Variants in CTNNA2 observed in about 807,000 individuals in gnomAD.
CTNNA2 encodes catenin alpha 2.
Under a neutral mutation model 101.0 loss-of-function variants are expected in CTNNA2, and 42 were observed. The ratio of observed to expected loss-of-function variants is 0.42; its 90% CI spans 0.32 to 0.54. CTNNA2 has a LOEUF of 0.54. Ranked by LOEUF, CTNNA2 falls within the 20% of genes least tolerant of loss-of-function variation. The pLI, the probability that CTNNA2 is intolerant of heterozygous loss-of-function variation, is 0.14. For missense variants in CTNNA2, 871 were observed against 1,223.1 expected, an observed-to-expected ratio of 0.71 and a Z score of 4.29; for synonymous variants, 450 against 456.4, an observed-to-expected ratio of 0.99 and a Z score of 0.18.
chr2:79,329,783 T>C (rs6706637), intron 3 of CTNNA2, among the ~76,000 whole-genome samples: 95,643 of 152,054 alleles, frequency 0.63, 30,593 homozygotes, highest in African/African-American at 0.75. Flanking sequence ...ATTTGGGAAG[T>C]GTTTTACCCA....
At chr2:79,272,390 T>C (rs145769570) in intron 2 of CTNNA2, among the ~76,000 whole-genome samples, 470 of 152,200 alleles carry the variant, frequency 3.1e-3, no homozygotes, top group Non-Finnish European at 5.2e-3. Context: ...AATTAAAAAC[T>C]TCAAAAACCA....
chr2:80,645,793 G>T (rs1282253493), intron 18 of CTNNA2, among the ~76,000 whole-genome samples: 1 of 152,206 alleles, frequency 6.6e-6, no homozygotes, highest in East Asian at 1.9e-4. Flanking sequence ...GTTCAGCAGT[G>T]ATTTTGGTAT....
chr2:79,414,629 C>G (rs564204984), intron 4 of CTNNA2, among the ~76,000 whole-genome samples: 3 of 151,978 alleles, frequency 2.0e-5, no homozygotes, highest in African/African-American at 7.3e-5. Flanking sequence ...AACGTTTTTG[C>G]CAATTAAATA....
chr2:79,936,949 C>T (rs1023392835), intron 7 of CTNNA2, among the ~76,000 whole-genome samples: 28 of 152,118 alleles, frequency 1.8e-4, no homozygotes, highest in African/African-American at 6.3e-4. Context: ...AGCCACTTTT[C>T]TTATCCTGTT....
intron 4 of CTNNA2, among the ~76,000 whole-genome samples, chr2:79,463,689 T>C (rs1392423770): frequency 6.6e-6 from 1 of 152,162 alleles, no homozygotes; most frequent in African/African-American, 2.4e-5. Context: ...TTCAAGAAAG[T>C]GATTATGTGG....
chr2:79,626,695 A>G (rs567569715), intron 1 of CTNNA2, among the ~76,000 whole-genome samples: 1 of 151,196 alleles, frequency 6.6e-6, no homozygotes, highest in East Asian at 2.0e-4. Flanking sequence ...GGAAATGAAT[A>G]TGAATCTGGA....
chr2:79,929,710 G>C (rs906174457), intron 7 of CTNNA2, among the ~76,000 whole-genome samples: 2 of 152,136 alleles, frequency 1.3e-5, no homozygotes, highest in Admixed American at 1.3e-4. Context: ...TACTTGTCTA[G>C]TTTTCTTTGG....
intron 3 of CTNNA2, among the ~76,000 whole-genome samples, chr2:79,313,691 G>C (rs1029805868): frequency 6.6e-6 from 1 of 152,106 alleles, no homozygotes; most frequent in African/African-American, 2.4e-5. Flanking sequence ...GAATGGCCAA[G>C]GGACTCTGAC....
At chr2:79,554,531 A>T (rs903319824) in intron 1 of CTNNA2, among the ~76,000 whole-genome samples, 13 of 152,138 alleles carry the variant, frequency 8.5e-5, no homozygotes, top group African/African-American at 2.7e-4. Context: ...GACACATCTA[A>T]TTATTAAGGT....
intron 1 of CTNNA2, among the ~76,000 whole-genome samples, chr2:79,629,700 T>C (rs1033022261): frequency 2.6e-5 from 4 of 152,140 alleles, no homozygotes; most frequent in African/African-American, 9.7e-5. Flanking sequence ...ATGATCTCAG[T>C]GTCTCGATAG....
chr2:79,384,377 TCTCTCTCTCTCTC>T (rs1173885509), intron 4 of CTNNA2, among the ~76,000 whole-genome samples: 1 of 404 alleles, frequency 2.5e-3, no homozygotes, highest in Non-Finnish European at 0.011. Flanking sequence ...GCATATTTCT[TCTCTCTCTCTCTC>T]TCTCTCTCTC....
chr2:79,665,237 T>C (rs974824838), intron 2 of CTNNA2, among the ~76,000 whole-genome samples: 18 of 152,144 alleles, frequency 1.2e-4, no homozygotes, highest in Non-Finnish European at 2.4e-4. Flanking sequence ...CCTTCTGATT[T>C]TTTGACACCC....
chr2:80,479,008 A>G (rs946889734), intron 9 of CTNNA2, among the ~76,000 whole-genome samples: 13 of 133,010 alleles, frequency 9.8e-5, no homozygotes, highest in African/African-American at 3.8e-4. Context: ...ATCCATGAGC[A>G]TGGGTTTTTT....
intron 7 of CTNNA2, among the ~76,000 whole-genome samples, chr2:80,113,772 C>A (rs1701354747): frequency 6.6e-6 from 1 of 152,098 alleles, no homozygotes; most frequent in Admixed American, 6.5e-5. Context: ...ATATTTAAAT[C>A]CCCGTGTATC....
chr2:79,350,277 C>T (rs901627546), intron 3 of CTNNA2, among the ~76,000 whole-genome samples: 1 of 151,950 alleles, frequency 6.6e-6, no homozygotes, highest in African/African-American at 2.4e-5. Flanking sequence ...CAACCCTTAC[C>T]CCTCTCCTAA....
intron 7 of CTNNA2, among the ~76,000 whole-genome samples, chr2:80,115,557 A>C (rs565430715): frequency 6.6e-6 from 1 of 152,322 alleles, no homozygotes; most frequent in African/African-American, 2.4e-5. Context: ...AGTAAAAGCA[A>C]GTTGACAATC....
chr2:79,876,086 T>C (rs1012671473), intron 6 of CTNNA2, among the ~76,000 whole-genome samples: 1 of 152,194 alleles, frequency 6.6e-6, no homozygotes, highest in East Asian at 1.9e-4. Flanking sequence ...GTTTTACTTG[T>C]CAGTAAATGA....
At chr2:80,018,475 A>C (rs1224480525) in intron 7 of CTNNA2, among the ~76,000 whole-genome samples, 1 of 152,136 alleles carries the variant, frequency 6.6e-6, no homozygotes, top group African/African-American at 2.4e-5. Flanking sequence ...AAGTCAGTAA[A>C]TATTATAAAT....
chr2:80,084,460 G>A (rs1190600734), intron 7 of CTNNA2, among the ~76,000 whole-genome samples: 1 of 151,884 alleles, frequency 6.6e-6, no homozygotes, highest in African/African-American at 2.4e-5. Flanking sequence ...TCTCTTTTAG[G>A]ATGTCCAACC....
Sources: allele counts gnomAD v4.1 joint callset (sites outside exome capture counted in the v4.1 genomes callset), GRCh38; gene constraint gnomAD v4.1.1; transcripts MANE v1.5; gene names NCBI Gene and HGNC (gene_info 2026-07-23, HGNC 2026-07-21).